Variants in OXR1 observed in about 807,000 individuals in gnomAD.
The protein encoded by OXR1 is oxidation resistance protein 1.
In OXR1, 41 loss-of-function variants were observed where a neutral mutation model predicts 104.6. The ratio of observed to expected loss-of-function variants is 0.39; its 90% CI spans 0.31 to 0.51. The LOEUF is 0.51. OXR1 is among the 20% of genes least tolerant of loss of function. OXR1 has a pLI of 0.77. For synonymous variants in OXR1, 348 were observed against 348.4 expected, an observed-to-expected ratio of 1.00 and a Z score of 0.01; for missense variants, 955 against 1,031.9, an observed-to-expected ratio of 0.93 and a Z score of 1.02.
At chr8:106,424,159 A>G (rs1284756032) in intron 2 of OXR1, among the ~76,000 whole-genome samples, 1 of 152,030 alleles carries the variant, frequency 6.6e-6, no homozygotes, top group Non-Finnish European at 1.5e-5. Flanking sequence ...GCTGGTCTCA[A>G]ACTCCTGACC....
At chr8:106,638,320 TGTC>T (rs149116414) in intron 3 of OXR1, among the ~76,000 whole-genome samples, 4,223 of 152,178 alleles carry the variant, frequency 0.028, 78 homozygotes, top group Admixed American at 0.052. Flanking sequence ...CAAGAAGCCA[TGTC>T]GTATTTTATC....
At chr8:106,569,690 A>G (rs1347854711) in intron 3 of OXR1, among the ~76,000 whole-genome samples, 1 of 152,238 alleles carries the variant, frequency 6.6e-6, no homozygotes, top group East Asian at 1.9e-4. Context: ...TAAATTGTCC[A>G]TTGACATTCA....
chr8:106,294,354 C>G (rs535485061), intron 1 of OXR1, among the ~76,000 whole-genome samples: 2 of 141,538 alleles, frequency 1.4e-5, no homozygotes, highest in East Asian at 4.1e-4. Context: ...CCGAGATGCA[C>G]CATTGCACTC....
intron 6 of OXR1, among the ~76,000 whole-genome samples, chr8:106,685,534 AC>A (rs1230244779): frequency 6.6e-6 from 1 of 152,100 alleles, no homozygotes; most frequent in Non-Finnish European, 1.5e-5. Flanking sequence ...GTGAAAATGT[AC>A]CCCTTCTTAC....
In OXR1 at chr8:106,307,557, T is replaced by C. The variant is rs140596474; in HGVS notation, c.-139+37190T>C. ...ATACTCACTGGCCTAAGGGATTTTTTTGTCCTTTTTTTTTTGTTGTTCTGT... is the reference window on the plus strand; with the variant it reads ...ATACTCACTGGCCTAAGGGATTTTTCTGTCCTTTTTTTTTTGTTGTTCTGT... On this transcript the variant is annotated intron_variant, in intron 1 of 16. Transcript: ENST00000517566. 7.9e-5 allele frequency among the ~76,000 whole-genome samples: 12 copies of C among 152,184 alleles called. No homozygotes were observed. The East Asian group carries it at 2.1e-3, about 27-fold the overall frequency.
At chr8:106,576,234 ATAG>A (rs1184665225) in intron 3 of OXR1, among the ~76,000 whole-genome samples, 1 of 151,984 alleles carries the variant, frequency 6.6e-6, no homozygotes, top group Non-Finnish European at 1.5e-5. Flanking sequence ...ATGGTTTTAA[ATAG>A]TTGAAGAGAT....
intron 3 of OXR1, among the ~76,000 whole-genome samples, chr8:106,669,619 G>A (rs901866921): frequency 6.6e-6 from 1 of 151,714 alleles, no homozygotes; most frequent in Non-Finnish European, 1.5e-5. Flanking sequence ...CTATATTACT[G>A]TTTTTGAAAA....
At chr8:106,653,283 T>C (rs959876894) in intron 3 of OXR1, among the ~76,000 whole-genome samples, 1 of 151,592 alleles carries the variant, frequency 6.6e-6, no homozygotes, top group African/African-American at 2.4e-5. Flanking sequence ...ATTACCCAAA[T>C]ACCAAAGCCA....
intron 1 of OXR1, among the ~76,000 whole-genome samples, chr8:106,273,850 T>C (rs1279141801): frequency 2.6e-5 from 4 of 152,222 alleles, no homozygotes; most frequent in African/African-American, 9.6e-5. Context: ...AGGTGAATCA[T>C]ATGCATATGT....
intron 11 of OXR1, among the ~76,000 whole-genome samples, chr8:106,732,857 T>C (rs1364235750): frequency 6.6e-6 from 1 of 152,120 alleles, no homozygotes; most frequent in Non-Finnish European, 1.5e-5. Context: ...TCTTGTAAAG[T>C]TTTTATTTCT....
At chr8:106,325,093 A>G (rs1563718546) in intron 1 of OXR1, among the ~76,000 whole-genome samples, 1 of 152,238 alleles carries the variant, frequency 6.6e-6, no homozygotes, top group Non-Finnish European at 1.5e-5. Flanking sequence ...CTTTAGGAAA[A>G]GAATAAAAGT....
At position 106,286,915 on chromosome 8, in the gene OXR1, G is replaced by A. The variant is rs140074743; in HGVS notation, c.-139+16548G>A. Among the ~76,000 whole-genome samples the A allele has an allele frequency of 2.6e-5, 4 of 152,242 alleles. No homozygotes were observed. The East Asian group carries it at 7.7e-4, about 29-fold the overall frequency. On this transcript the variant is annotated intron_variant, in intron 1 of 16. Coordinates refer to ENST00000517566, the MANE Select transcript of OXR1 (RefSeq NM_001198533.2). ...TTATCTTGTCAATTCTCTATTTCTA[G>A]TAACTCAGCAATAAAAGCCATTTAT...
intron 2 of OXR1, among the ~76,000 whole-genome samples, chr8:106,471,132 A>C (rs1437431602): frequency 6.6e-6 from 1 of 151,708 alleles, no homozygotes; most frequent in African/African-American, 2.4e-5. Context: ...TATTTATGAG[A>C]GTAAAAACAG....
At chr8:106,509,685 G>A (rs1452717867) in intron 2 of OXR1, among the ~76,000 whole-genome samples, 1 of 152,142 alleles carries the variant, frequency 6.6e-6, no homozygotes, top group East Asian at 1.9e-4. Flanking sequence ...AAATGACTTA[G>A]TGAATAAAAA....
chr8:106,303,255 T>C (rs1295636206), intron 1 of OXR1, among the ~76,000 whole-genome samples: 34 of 139,928 alleles, frequency 2.4e-4, no homozygotes, highest in African/African-American at 4.8e-4. Context: ...TTTCTTTTTT[T>C]TTTTTTTTTT....
At chr8:106,326,461 A>G (rs1814471988) in intron 1 of OXR1, among the ~76,000 whole-genome samples, 1 of 152,240 alleles carries the variant, frequency 6.6e-6, no homozygotes, top group African/African-American at 2.4e-5. Flanking sequence ...AGACAAGTCA[A>G]TTATTTTTCT....
At chr8:106,738,590 A>G (rs1053045609) in intron 12 of OXR1, among the ~76,000 whole-genome samples, 2 of 151,684 alleles carry the variant, frequency 1.3e-5, no homozygotes, top group East Asian at 1.9e-4. Flanking sequence ...AAAGTTTCAT[A>G]ATGTTTCATT....
chr8:106,338,122 CA>C (rs1462049844), intron 1 of OXR1, among the ~76,000 whole-genome samples: 1 of 152,084 alleles, frequency 6.6e-6, no homozygotes, highest in Non-Finnish European at 1.5e-5. Context: ...CAGACCAAAC[CA>C]AAATGGAGTC....
chr8:106,508,950 A>G (rs1192310014), intron 2 of OXR1, among the ~76,000 whole-genome samples: 3 of 152,204 alleles, frequency 2.0e-5, no homozygotes, highest in Non-Finnish European at 4.4e-5. Flanking sequence ...CTACATTTTA[A>G]TCAGCTTGTC....
Sources: allele counts gnomAD v4.1 joint callset (sites outside exome capture counted in the v4.1 genomes callset), GRCh38; gene constraint gnomAD v4.1.1; transcripts MANE v1.5; gene names NCBI Gene and HGNC (gene_info 2026-07-23, HGNC 2026-07-21).